Variants in PHKB observed in about 807,000 individuals in gnomAD.
The protein encoded by PHKB is phosphorylase kinase regulatory subunit beta, also known as phosphorylase b kinase regulatory subunit beta.
In PHKB, 122 loss-of-function variants were observed where a neutral mutation model predicts 152.1. That is an observed-to-expected ratio of 0.80 (90% confidence interval 0.69 to 0.93). The LOEUF (loss-of-function observed/expected upper bound fraction) is 0.93. Among genes scored for constraint, PHKB ranks in the 40% least tolerant of loss-of-function variants. The pLI, the probability that PHKB is intolerant of heterozygous loss-of-function variation, is 0.00. For synonymous variants in PHKB, 436 were observed against 464.9 expected, an observed-to-expected ratio of 0.94 and a Z score of 0.80; for missense variants, 1,304 against 1,328.4, an observed-to-expected ratio of 0.98 and a Z score of 0.29.
intron 26 of PHKB, among the ~76,000 whole-genome samples, chr16:47,671,025 C>G (rs1973629043): frequency 6.6e-6 from 1 of 152,188 alleles, no homozygotes; most frequent in Non-Finnish European, 1.5e-5. Flanking sequence ...CCTGCTCCCA[C>G]AGTACCCTGT....
intron 6 of PHKB, among the ~76,000 whole-genome samples, chr16:47,535,951 G>T (rs1288964929): frequency 6.6e-6 from 1 of 152,282 alleles, no homozygotes; most frequent in South Asian, 2.1e-4. Context: ...TTAGAAATTG[G>T]TATGAAGATG....
chr16:47,488,127 C>T (rs1389568431), intron 1 of PHKB, among the ~76,000 whole-genome samples: 1 of 152,106 alleles, frequency 6.6e-6, no homozygotes, highest in African/African-American at 2.4e-5. Context: ...TTAATAATAG[C>T]CCCTCTCACT....
chr16:47,693,993 A>G (rs2142107626), intron 28 of PHKB, among the ~76,000 whole-genome samples: 1 of 152,320 alleles, frequency 6.6e-6, no homozygotes, highest in South Asian at 2.1e-4. Context: ...CAAACAGTAA[A>G]GCATGCATTG....
intron 13 of PHKB, among the ~76,000 whole-genome samples, chr16:47,602,542 CTTTTTTTTTT>C (rs34655174): frequency 8.2e-6 from 1 of 122,678 alleles, no homozygotes; most frequent in Admixed American, 8.6e-5. Context: ...GCTTCTCTTC[CTTTTTTTTTT>C]TTTTTTTTTT....
chr16:47,566,255 T>C (rs1292186012), intron 7 of PHKB: 7 of 854,552 alleles, frequency 8.2e-6, no homozygotes, highest in Non-Finnish European at 1.4e-5. Context: ...CATCACCTCT[T>C]CTAGGTGAGT....
chr16:47,465,068 ATAACT>A (rs199705715), intron 1 of PHKB, among the ~76,000 whole-genome samples: 209 of 152,380 alleles, frequency 1.4e-3, no homozygotes, highest in African/African-American at 4.0e-3. Flanking sequence ...TAAATAAGAA[ATAACT>A]TAAGGAAGAA....
intron 26 of PHKB, among the ~76,000 whole-genome samples, chr16:47,680,243 GTC>G (rs1252016022): frequency 2.6e-5 from 4 of 152,116 alleles, no homozygotes; most frequent in Non-Finnish European, 5.9e-5. Context: ...TTTTGGTTGT[GTC>G]TCTGCCAGGC....
At chr16:47,655,556 C>T (rs1973321028) in intron 20 of PHKB, among the ~76,000 whole-genome samples, 2 of 152,168 alleles carry the variant, frequency 1.3e-5, no homozygotes, top group African/African-American at 2.4e-5. Context: ...GTGATTTTCT[C>T]TCAAGTCAAA....
rs566302427 is a variant in PHKB, at chr16:47,618,001, GGCC to G, written c.1458+7082_1458+7084del. ...TGTGGTACATGGGGCTGGCCACTGT[GGCC>G]TTTAATCAGTCCTTCTATTCACTTC... On this transcript the variant is annotated intron_variant, in intron 14 of 30. Transcript: ENST00000323584. Among the ~76,000 whole-genome samples the G allele has an allele frequency of 1.1e-3, 161 of 152,306 alleles. 1 individual carries two copies. The highest frequency in any genetic ancestry group is 1.9e-3 in the Admixed American group (29 of 15,302).
At chr16:47,524,941 A>AT (rs1173280102) in intron 6 of PHKB, among the ~76,000 whole-genome samples, 6 of 152,198 alleles carry the variant, frequency 3.9e-5, no homozygotes, top group East Asian at 1.9e-4. Flanking sequence ...ATCTTTTAAA[A>AT]TTTTTTTAAA....
At chr16:47,668,878 T>G (rs1973586229) in intron 25 of PHKB, among the ~76,000 whole-genome samples, 1 of 152,210 alleles carries the variant, frequency 6.6e-6, no homozygotes, top group Non-Finnish European at 1.5e-5. Context: ...TTCAACCTAT[T>G]CTGGTTTCTC....
At chr16:47,637,274 C>T (rs1342126083) in intron 14 of PHKB, among the ~76,000 whole-genome samples, 1 of 152,160 alleles carries the variant, frequency 6.6e-6, no homozygotes, top group Non-Finnish European at 1.5e-5. Flanking sequence ...GTACCTCACT[C>T]TTCTGGACAT....
intron 6 of PHKB, among the ~76,000 whole-genome samples, chr16:47,531,414 C>G (rs1329665526): frequency 6.6e-6 from 1 of 151,980 alleles, no homozygotes; most frequent in Non-Finnish European, 1.5e-5. Flanking sequence ...TTTTGTTTGA[C>G]CTTATATGCT....
At chr16:47,603,928 A>G (rs1247959872) in intron 13 of PHKB, among the ~76,000 whole-genome samples, 4 of 152,214 alleles carry the variant, frequency 2.6e-5, no homozygotes, top group African/African-American at 4.8e-5. Flanking sequence ...ACTAAGGCCC[A>G]TAAGAGTTTA....
At chr16:47,487,094 C>T (rs1384317506) in intron 1 of PHKB, among the ~76,000 whole-genome samples, 2 of 152,106 alleles carry the variant, frequency 1.3e-5, no homozygotes, top group African/African-American at 4.8e-5. Flanking sequence ...GGGTAAGATT[C>T]TATTTTCACA....
In PHKB at chr16:47,666,452, C is replaced by T. The variant is rs534823361; in HGVS notation, c.2427+1477C>T. On this transcript the variant is annotated intron_variant, in intron 25 of 30. Coordinates refer to ENST00000323584, the MANE Select transcript of PHKB (RefSeq NM_000293.3). ...CATGCCCAGCCAGGGTCTTTGCGTG[C>T]CAGTGCTGCTCCCCAGATCCCCTGC... 3.3e-5 allele frequency among the ~76,000 whole-genome samples: 5 copies of T among 152,320 alleles called. No homozygotes were observed. In the South Asian group the frequency reaches 1.0e-3, roughly 32 times the overall value.
At chr16:47,695,622 C>T (rs1974134294) in intron 28 of PHKB, among the ~76,000 whole-genome samples, 1 of 152,192 alleles carries the variant, frequency 6.6e-6, no homozygotes, top group Non-Finnish European at 1.5e-5. Flanking sequence ...TAAACTATCA[C>T]TGAGGTGAAA....
chr16:47,632,356 A>C (rs1972842984), intron 14 of PHKB, among the ~76,000 whole-genome samples: 1 of 152,226 alleles, frequency 6.6e-6, no homozygotes, highest in Non-Finnish European at 1.5e-5. Flanking sequence ...ACATTAGTAC[A>C]TATGGTACAT....
chr16:47,626,884 T>C (rs1384631502), intron 14 of PHKB, among the ~76,000 whole-genome samples: 2 of 152,160 alleles, frequency 1.3e-5, no homozygotes, highest in African/African-American at 2.4e-5. Context: ...ATGATAGAAA[T>C]GGCCCCCTCC....
Sources: gnomAD v4.1 joint callset for allele counts (sites outside exome capture counted in the v4.1 genomes callset) on GRCh38, gnomAD v4.1.1 for gene constraint, MANE v1.5 for transcripts, NCBI Gene and HGNC (gene_info 2026-07-23, HGNC 2026-07-21) for gene names.